The following TTC29 variants were observed in gnomAD, a reference collection of about 807,000 sequenced individuals.
TTC29 encodes the protein tetratricopeptide repeat domain 29.
In TTC29, 49 loss-of-function variants were observed where a neutral mutation model predicts 58.1. The ratio of observed to expected loss-of-function variants is 0.84; its 90% confidence interval spans 0.67 to 1.07. TTC29 has a LOEUF of 1.07. Ranked by LOEUF, TTC29 falls within the 50% of genes least tolerant of loss-of-function variation. TTC29 has a pLI of 0.00. For synonymous variants in TTC29, 209 were observed against 196.8 expected (o/e 1.06, Z -0.52); for missense variants, 582 against 555.6 (o/e 1.05, Z -0.48).
At chr4:146,713,111 C>CGTGTGT (rs10678715) in intron 11 of TTC29, among the ~76,000 whole-genome samples, 62,160 of 139,346 alleles carry the variant, frequency 0.45, 15,019 homozygotes, top group Non-Finnish European at 0.54. Flanking sequence ...GAGAATTGAT[C>CGTGTGT]GTGTGTGTGT....
intron 11 of TTC29, among the ~76,000 whole-genome samples, chr4:146,736,432 T>C (rs947502015): frequency 2.0e-5 from 3 of 152,170 alleles, no homozygotes; most frequent in Non-Finnish European, 4.4e-5. Context: ...GGAAATGTTA[T>C]CTTTACTTAC....
At chr4:146,810,110 T>A (rs1750912168) in intron 10 of TTC29, among the ~76,000 whole-genome samples, 1 of 152,096 alleles carries the variant, frequency 6.6e-6, no homozygotes, top group Non-Finnish European at 1.5e-5. Flanking sequence ...CATGTCCTTT[T>A]TATGGACATG....
At chr4:146,846,505 C>T (rs1043928829) in intron 8 of TTC29, among the ~76,000 whole-genome samples, 11 of 152,208 alleles carry the variant, frequency 7.2e-5, no homozygotes, top group Middle Eastern at 3.4e-3. Context: ...CTGATAAGTA[C>T]CAAAATGAGG....
At chr4:146,876,493 T>C (rs1731264398) in intron 6 of TTC29, among the ~76,000 whole-genome samples, 1 of 152,222 alleles carries the variant, frequency 6.6e-6, no homozygotes, top group Non-Finnish European at 1.5e-5. Flanking sequence ...TGGAGCTACT[T>C]CCATGACTAT....
intron 8 of TTC29, among the ~76,000 whole-genome samples, chr4:146,839,887 G>T (rs1728746346): frequency 6.6e-6 from 1 of 151,910 alleles, no homozygotes; most frequent in Non-Finnish European, 1.5e-5. Context: ...AAAAGGAGTT[G>T]ACTGAATTAA....
intron 8 of TTC29, among the ~76,000 whole-genome samples, chr4:146,845,837 ACACAC>A (rs1246907036): frequency 1.3e-5 from 2 of 152,108 alleles, no homozygotes; most frequent in African/African-American, 4.8e-5. Flanking sequence ...ACACACACAC[ACACAC>A]CACTTCTTTG....
chr4:146,925,031 T>A (rs1734834281), intron 4 of TTC29, among the ~76,000 whole-genome samples: 1 of 152,078 alleles, frequency 6.6e-6, no homozygotes, highest in Non-Finnish European at 1.5e-5. Context: ...AAACTCTTTC[T>A]GCTATCATTT....
intron 6 of TTC29, among the ~76,000 whole-genome samples, chr4:146,890,715 G>T (rs750911459): frequency 5.3e-5 from 8 of 152,304 alleles, no homozygotes; most frequent in Admixed American, 5.2e-4. Context: ...ACACATAGAG[G>T]GCCTGGGCTT....
chr4:146,708,496 T>C (rs967649051), intron 11 of TTC29, among the ~76,000 whole-genome samples: 1 of 150,706 alleles, frequency 6.6e-6, no homozygotes, highest in Non-Finnish European at 1.5e-5. Flanking sequence ...TATGTGTATA[T>C]ATGACTTCAT....
intron 8 of TTC29, among the ~76,000 whole-genome samples, chr4:146,834,709 T>G (rs1463670160): frequency 6.6e-6 from 1 of 152,178 alleles, no homozygotes; most frequent in African/African-American, 2.4e-5. Flanking sequence ...AAAAGTCATT[T>G]GACGGCATTT....
chr4:146,863,834 TCAAA>T (rs752079297), intron 8 of TTC29, among the ~76,000 whole-genome samples: 5 of 152,150 alleles, frequency 3.3e-5, no homozygotes, highest in African/African-American at 4.8e-5. Flanking sequence ...ATGTCTCTGC[TCAAA>T]CAGTCTGGTC....
chr4:146,902,685 A>G (rs943693059), intron 6 of TTC29, among the ~76,000 whole-genome samples: 1 of 151,966 alleles, frequency 6.6e-6, no homozygotes, highest in Non-Finnish European at 1.5e-5. Context: ...CACTTCTCTG[A>G]GCTTTTCTAA....
chr4:146,928,793 G>T (rs1735111871), intron 4 of TTC29, among the ~76,000 whole-genome samples: 1 of 152,252 alleles, frequency 6.6e-6, no homozygotes, highest in East Asian at 1.9e-4. Flanking sequence ...TGCTTGGGGT[G>T]TTCCCCAGTC....
chr4:146,917,042 A>G (rs1300220004), intron 4 of TTC29, among the ~76,000 whole-genome samples: 1 of 151,232 alleles, frequency 6.6e-6, no homozygotes, highest in Non-Finnish European at 1.5e-5. Context: ...GCACTTTTAA[A>G]TTATGATGGA....
chr4:146,872,625 A>G (rs1731006430), intron 7 of TTC29, among the ~76,000 whole-genome samples: 1 of 152,132 alleles, frequency 6.6e-6, no homozygotes. Flanking sequence ...CAAGAAGCAC[A>G]TGAAAAAAAA....
chr4:146,877,270 T>C (rs966190309), intron 6 of TTC29, among the ~76,000 whole-genome samples: 4 of 152,220 alleles, frequency 2.6e-5, no homozygotes, highest in South Asian at 2.1e-4. Flanking sequence ...TTCTGTTTTC[T>C]TTTTCTTGAT....
intron 11 of TTC29, among the ~76,000 whole-genome samples, chr4:146,738,363 AG>A (rs1056551405): frequency 6.6e-6 from 1 of 152,158 alleles, no homozygotes; most frequent in African/African-American, 2.4e-5. Context: ...AGGTATCTGA[AG>A]GGGGGAAGCT....
chr4:146,905,601 T>C (rs955299554), intron 5 of TTC29, among the ~76,000 whole-genome samples: 1 of 152,072 alleles, frequency 6.6e-6, no homozygotes, highest in Non-Finnish European at 1.5e-5. Context: ...CTGTACCCTT[T>C]ACAAAGGCTA....
At chr4:146,936,659 CTG>C (rs1477133053) in intron 4 of TTC29, among the ~76,000 whole-genome samples, 2 of 152,076 alleles carry the variant, frequency 1.3e-5, no homozygotes, top group African/African-American at 4.8e-5. Context: ...AAATAAATGA[CTG>C]TGTTTTTCCA....
Sources: allele counts gnomAD v4.1 joint callset (sites outside exome capture counted in the v4.1 genomes callset), GRCh38; gene constraint gnomAD v4.1.1; transcripts MANE v1.5; gene names NCBI Gene and HGNC (gene_info 2026-07-23, HGNC 2026-07-21).